The following ADCY2 variants were observed in gnomAD, a reference collection of about 807,000 sequenced individuals.
ADCY2 encodes the protein adenylate cyclase type 2.
ADCY2 carries 31 observed loss-of-function variants against 125.2 expected under a neutral mutation model. The observed-to-expected ratio is 0.25, with a 90% CI of 0.19 to 0.33. ADCY2 has a LOEUF of 0.33. ADCY2 is among the 10% of genes least tolerant of loss of function. The pLI is 1.00. For missense variants in ADCY2, 904 were observed against 1,418.2 expected, an observed-to-expected ratio of 0.64 and a Z score of 5.82; for synonymous variants, 512 against 548.4, an observed-to-expected ratio of 0.93 and a Z score of 0.93.
intron 20 of ADCY2, chr5:7,796,490 G>A (rs1201637505): frequency 1.3e-5 from 2 of 152,210 alleles, no homozygotes; most frequent in Non-Finnish European, 2.9e-5. Context: ...TTCAGAAATA[G>A]GGAGTCAAGA....
intron 19 of ADCY2, among the ~76,000 whole-genome samples, chr5:7,786,458 T>G (rs1744085263): frequency 6.6e-6 from 1 of 152,258 alleles, no homozygotes; most frequent in South Asian, 2.1e-4. Context: ...CAACTTATTT[T>G]CATTGTTATT....
chr5:7,415,370 G>A (rs1561012700), intron 2 of ADCY2, among the ~76,000 whole-genome samples: 1 of 152,124 alleles, frequency 6.6e-6, no homozygotes, highest in Non-Finnish European at 1.5e-5. Context: ...GCTGGCCGGG[G>A]CCTCATACTG....
intron 3 of ADCY2, among the ~76,000 whole-genome samples, chr5:7,557,529 C>T (rs1429033473): frequency 6.6e-6 from 1 of 152,076 alleles, no homozygotes; most frequent in Non-Finnish European, 1.5e-5. Context: ...CTCCTCCCAC[C>T]CTCCATCCTC....
chr5:7,438,490 G>A (rs1428375476), intron 2 of ADCY2, among the ~76,000 whole-genome samples: 1 of 152,224 alleles, frequency 6.6e-6, no homozygotes, highest in East Asian at 1.9e-4. Flanking sequence ...AGAGAGGGTA[G>A]CAATGATGAC....
At chr5:7,717,735 T>TA (rs1167240260) in intron 12 of ADCY2, among the ~76,000 whole-genome samples, 5 of 152,194 alleles carry the variant, frequency 3.3e-5, no homozygotes, top group African/African-American at 1.2e-4. Flanking sequence ...GAATTGCTGT[T>TA]ACGGTTTTAA....
chr5:7,822,271 G>T (rs1745325058), intron 24 of ADCY2, among the ~76,000 whole-genome samples: 1 of 152,170 alleles, frequency 6.6e-6, no homozygotes, highest in South Asian at 2.1e-4. Context: ...TGGAAATTTT[G>T]CTTAAACTGT....
At chr5:7,774,583 A>T (rs1021690346) in intron 18 of ADCY2, among the ~76,000 whole-genome samples, 4 of 152,150 alleles carry the variant, frequency 2.6e-5, no homozygotes, top group Admixed American at 2.0e-4. Context: ...GCTTCTGGGG[A>T]CCTCAGTGGG....
chr5:7,411,315 T>G (rs1421646234), intron 1 of ADCY2, among the ~76,000 whole-genome samples: 1 of 152,148 alleles, frequency 6.6e-6, no homozygotes, highest in Non-Finnish European at 1.5e-5. Context: ...TGGGGGTGTG[T>G]GGTCTGAGGA....
intron 15 of ADCY2, among the ~76,000 whole-genome samples, chr5:7,754,907 C>T (rs1399077044): frequency 6.6e-6 from 1 of 152,020 alleles, no homozygotes; most frequent in Non-Finnish European, 1.5e-5. Flanking sequence ...AAAAAACCTT[C>T]TTCTACGGAA....
At chr5:7,539,082 C>G (rs1734912885) in intron 3 of ADCY2, among the ~76,000 whole-genome samples, 1 of 151,988 alleles carries the variant, frequency 6.6e-6, no homozygotes, top group Non-Finnish European at 1.5e-5. Context: ...AGGCTGGTCT[C>G]AAACTCCTGA....
At chr5:7,593,524 G>T (rs555358041) in intron 3 of ADCY2, among the ~76,000 whole-genome samples, 1 of 152,030 alleles carries the variant, frequency 6.6e-6, no homozygotes, top group East Asian at 1.9e-4. Context: ...TACCAACAGG[G>T]ATGGAGCGTA....
At chr5:7,662,291 A>G (rs760538583) in intron 4 of ADCY2, among the ~76,000 whole-genome samples, 1 of 152,242 alleles carries the variant, frequency 6.6e-6, no homozygotes, top group Non-Finnish European at 1.5e-5. Context: ...TTTAGCATCC[A>G]TCAGTGTTCT....
chr5:7,553,155 G>A (rs1735390817), intron 3 of ADCY2, among the ~76,000 whole-genome samples: 2 of 152,192 alleles, frequency 1.3e-5, no homozygotes, highest in African/African-American at 4.8e-5. Context: ...ATTTAAGTTA[G>A]CATTTCAGTG....
intron 3 of ADCY2, among the ~76,000 whole-genome samples, chr5:7,581,322 C>T (rs558919153): frequency 6.6e-6 from 1 of 152,042 alleles, no homozygotes; most frequent in East Asian, 1.9e-4. Context: ...ACATATATTT[C>T]ATATATAGAG....
intron 2 of ADCY2, among the ~76,000 whole-genome samples, chr5:7,499,306 G>A (rs180851729): frequency 3.8e-4 from 58 of 152,106 alleles, no homozygotes; most frequent in Non-Finnish European, 6.5e-4. Context: ...GTGCCTGGCC[G>A]AGTGGTTTTT....
chr5:7,414,504 C>A, intron 1 of ADCY2, 69 bp from the exon 2 acceptor site: 1 of 1,328,810 alleles, frequency 7.5e-7, no homozygotes, highest in Non-Finnish European at 1.0e-6. Flanking sequence ...GACATTTTAA[C>A]AACATAAATC....
At chr5:7,817,395 A>C (rs940789499) in intron 23 of ADCY2, among the ~76,000 whole-genome samples, 1 of 152,204 alleles carries the variant, frequency 6.6e-6, no homozygotes, top group South Asian at 2.1e-4. Flanking sequence ...GAATTGTTGC[A>C]ATACAGTTCC....
intron 2 of ADCY2, among the ~76,000 whole-genome samples, chr5:7,440,442 C>A (rs1740970284): frequency 6.6e-6 from 1 of 152,122 alleles, no homozygotes; most frequent in Non-Finnish European, 1.5e-5. Flanking sequence ...AAAATCTTTT[C>A]ATTTTGCGTT....
intron 3 of ADCY2, among the ~76,000 whole-genome samples, chr5:7,624,450 T>G (rs1188435680): frequency 6.6e-6 from 1 of 152,168 alleles, no homozygotes; most frequent in Non-Finnish European, 1.5e-5. Flanking sequence ...AGTGGCCCAC[T>G]AGGTCCACTG....
Sources: allele counts gnomAD v4.1 joint callset (sites outside exome capture counted in the v4.1 genomes callset), GRCh38; gene constraint gnomAD v4.1.1; transcripts MANE v1.5; gene names NCBI Gene and HGNC (gene_info 2026-07-23, HGNC 2026-07-21).